ARHGEF26: variants seen among roughly 807,000 people sequenced by gnomAD.
ARHGEF26 encodes Rho guanine nucleotide exchange factor (GEF) 26.
ARHGEF26 carries 59 observed loss-of-function variants against 89.4 expected under a neutral mutation model. The ratio of observed to expected loss-of-function variants is 0.66; its 90% CI spans 0.54 to 0.82. ARHGEF26 has a LOEUF of 0.82. Ranked by LOEUF, ARHGEF26 falls within the 40% of genes least tolerant of loss-of-function variation. The probability of loss-of-function intolerance (pLI) is 0.00; values close to 1 mark genes in which losing one functional copy is unlikely to be tolerated. For synonymous variants in ARHGEF26, 500 were observed against 428.4 expected, an observed-to-expected ratio of 1.17 and a Z score of -2.06; for missense variants, 1,234 against 1,085.6, an observed-to-expected ratio of 1.14 and a Z score of -1.92.
rs369180335 is a variant in ARHGEF26 at position 154,254,869 on chromosome 3, G to C, written c.2473+45G>C. 7.3e-6 allele frequency: 11 copies of C among 1,510,524 alleles called. No individual in the cohort carries two copies. The African/African-American group carries it at 1.4e-4, about 19-fold the overall frequency. 93.6% of individuals were successfully genotyped at this position (1,510,524 alleles called of 1,614,324 possible). On this transcript the variant is annotated intron_variant, in intron 14 of 14. Transcript: ENST00000465093. ...TGGGACACTCGTGGTCCAGGATGCA[G>C]AGTGCTATAGACCCGAGGAGTGTCA...
chr3:154,136,956 A>G (rs1405776767), intron 4 of ARHGEF26, among the ~76,000 whole-genome samples: 1 of 152,162 alleles, frequency 6.6e-6, no homozygotes, highest in African/African-American at 2.4e-5. Context: ...CATGGTTTAA[A>G]CAGAACTGCA....
At chr3:154,165,850 C>T (rs901047053) in intron 6 of ARHGEF26, among the ~76,000 whole-genome samples, 2 of 152,114 alleles carry the variant, frequency 1.3e-5, no homozygotes, top group African/African-American at 4.8e-5. Context: ...CGTACCATTG[C>T]TTTTTCTAAA....
intron 6 of ARHGEF26, among the ~76,000 whole-genome samples, chr3:154,154,551 CCT>C (rs1179294787): frequency 7.1e-6 from 1 of 140,400 alleles, no homozygotes; most frequent in East Asian, 2.0e-4. Flanking sequence ...ATTCTTGTCC[CCT>C]CTATCCTATT....
At chr3:154,193,351 G>A (rs1223861009) in intron 8 of ARHGEF26, among the ~76,000 whole-genome samples, 1 of 152,144 alleles carries the variant, frequency 6.6e-6, no homozygotes, top group African/African-American at 2.4e-5. Flanking sequence ...CTTACAGTGA[G>A]TCATAGTCAA....
chr3:154,136,217 TATTTTA>T (rs1333090247), intron 4 of ARHGEF26, among the ~76,000 whole-genome samples: 3 of 151,874 alleles, frequency 2.0e-5, no homozygotes, highest in Non-Finnish European at 2.9e-5. Flanking sequence ...TTTCTTAAAG[TATTTTA>T]ATTTTAATTA....
intron 11 of ARHGEF26, among the ~76,000 whole-genome samples, chr3:154,233,141 T>A (rs1716916398): frequency 6.6e-6 from 1 of 152,058 alleles, no homozygotes; most frequent in Admixed American, 6.6e-5. Flanking sequence ...TAGAATTGGG[T>A]TTCTTACCAG....
At chr3:154,138,821 C>G (rs1277361933) in intron 4 of ARHGEF26, among the ~76,000 whole-genome samples, 1 of 152,192 alleles carries the variant, frequency 6.6e-6, no homozygotes, top group African/African-American at 2.4e-5. Context: ...CTGTCTATGG[C>G]AGGCCCTGGA....
At chr3:154,229,707 A>C (rs1716718833) in intron 11 of ARHGEF26, among the ~76,000 whole-genome samples, 1 of 152,106 alleles carries the variant, frequency 6.6e-6, no homozygotes, top group Admixed American at 6.6e-5. Flanking sequence ...GCGACAACCA[A>C]AAATGTCTCT....
chr3:154,212,236 T>C (rs947898625), intron 9 of ARHGEF26, among the ~76,000 whole-genome samples: 1 of 151,272 alleles, frequency 6.6e-6, no homozygotes, highest in South Asian at 2.1e-4. Flanking sequence ...GAGACTGAGG[T>C]GGGAGGATTG....
At chr3:154,131,939 T>C (rs1247456699) in intron 4 of ARHGEF26, among the ~76,000 whole-genome samples, 1 of 152,234 alleles carries the variant, frequency 6.6e-6, no homozygotes, top group Non-Finnish European at 1.5e-5. Context: ...GTGTCTTTTG[T>C]AAATGATATT....
rs577700137 is a variant in ARHGEF26 at position 154,146,594 on chromosome 3, A to C, written c.1270-2795A>C. The stretch of plus-strand genomic sequence containing the variant: ...TCTATCTCATTTCGACATGCAAAAT[A>C]TATCAGTTATAAAGATCACAGGTCA... On this transcript the variant is annotated intron_variant, in intron 4 of 14. Coordinates refer to ENST00000465093, the MANE Select transcript of ARHGEF26 (RefSeq NM_015595.4). 2.0e-5 allele frequency among the ~76,000 whole-genome samples: 3 copies of C among 152,354 alleles called. No homozygotes were observed. The South Asian group carries it at 6.2e-4, about 32-fold the overall frequency.
chr3:154,253,117 A>G lies in ARHGEF26; in HGVS notation c.2302A>G (p.Ser768Gly). 1 of 1,613,910 alleles carries G rather than the reference A, an allele frequency of 6.2e-7. No homozygotes were observed. Among genetic ancestry groups the G allele is most frequent in the Non-Finnish European group, 8.5e-7 (1 of 1,179,874 alleles). The change falls in exon 13 of 15, where the codon AGC (serine) becomes GGC (glycine). Residue 768 changes from serine to glycine, a missense_variant and splice_region_variant. Coordinates refer to ENST00000465093, the MANE Select transcript of ARHGEF26 (RefSeq NM_015595.4). ...AGTTGGATCTGCCCTCTGTTTTAGG[A>G]GCGAGCGAGCCCGCTGGATAACTGC... The part of the protein sequence containing the change: ...VEMLLGAETQ[S>G]ERARWITALG...
At chr3:154,156,856 TG>T (rs1043705167) in intron 6 of ARHGEF26, among the ~76,000 whole-genome samples, 3 of 152,190 alleles carry the variant, frequency 2.0e-5, no homozygotes, top group African/African-American at 7.2e-5. Context: ...AGAGTAAGCA[TG>T]GTATTGTTAA....
intron 10 of ARHGEF26, among the ~76,000 whole-genome samples, chr3:154,218,207 AG>A (rs1313286896): frequency 6.6e-6 from 1 of 152,164 alleles, no homozygotes; most frequent in Non-Finnish European, 1.5e-5. Flanking sequence ...CACCAAGCTT[AG>A]GGGAATAAAT....
At chr3:154,141,182 GTCTCTATC>G (rs1360445684) in intron 4 of ARHGEF26, among the ~76,000 whole-genome samples, 1 of 149,182 alleles carries the variant, frequency 6.7e-6, no homozygotes, top group Non-Finnish European at 1.5e-5. Context: ...AGCCAGGATG[GTCTCTATC>G]TCCTGACCTC....
intron 9 of ARHGEF26, among the ~76,000 whole-genome samples, chr3:154,202,024 C>T (rs539071555): frequency 0.011 from 1,649 of 152,198 alleles, 22 homozygotes; most frequent in African/African-American, 0.038. Flanking sequence ...TCCCATTTGT[C>T]AATTTTGGCT....
chr3:154,122,160 A>G lies in ARHGEF26; in HGVS notation c.168A>G (p.Gly56=). 1.2e-6 allele frequency: 2 copies of G among 1,600,378 alleles called. No homozygotes were observed. The highest frequency in any genetic ancestry group is 1.7e-6 in the Non-Finnish European group (2 of 1,173,488). ...LLITDFPVED[G]GTLLAAQIPA... ...TTACGGATTTCCCGGTGGAGGACGG[A>G]GGGACGCTCCTCGCAGCGCAGATTC... The change falls in exon 2 of 15, where the codon GGA becomes GGG. Residue 56 remains glycine (G), a synonymous_variant. Coordinates refer to ENST00000465093, the MANE Select transcript of ARHGEF26 (RefSeq NM_015595.4).
chr3:154,173,593 G>A (rs978785866), intron 6 of ARHGEF26, among the ~76,000 whole-genome samples: 1 of 152,162 alleles, frequency 6.6e-6, no homozygotes, highest in Non-Finnish European at 1.5e-5. Context: ...AATGTTTAAT[G>A]TTTTATAGGT....
intron 12 of ARHGEF26, among the ~76,000 whole-genome samples, chr3:154,240,790 C>T (rs1217046859): frequency 6.6e-6 from 1 of 151,962 alleles, no homozygotes; most frequent in East Asian, 1.9e-4. Context: ...TTATTTTTTC[C>T]CTATAAGTCC....
Sources: gnomAD v4.1 joint callset for allele counts (sites outside exome capture counted in the v4.1 genomes callset) on GRCh38, gnomAD v4.1.1 for gene constraint, MANE v1.5 for transcripts, NCBI Gene and HGNC (gene_info 2026-07-23, HGNC 2026-07-21) for gene names.